EBF1: variants seen among roughly 807,000 people sequenced by gnomAD.
EBF1 encodes the protein transcription factor COE1.
Under a neutral mutation model 68.4 loss-of-function variants are expected in EBF1, and 10 were observed. The observed-to-expected ratio is 0.15, with a 90% CI of 0.09 to 0.25. The LOEUF (loss-of-function observed/expected upper bound fraction) is 0.25, where lower values mean the gene tolerates loss of function less well. Ranked by LOEUF, EBF1 falls within the 10% of genes least tolerant of loss-of-function variation. The pLI is 1.00. For synonymous variants in EBF1, 298 were observed against 299.8 expected, an observed-to-expected ratio of 0.99 and a Z score of 0.06; for missense variants, 509 against 794.4, an observed-to-expected ratio of 0.64 and a Z score of 4.32.
intron 6 of EBF1, among the ~76,000 whole-genome samples, chr5:158,964,411 G>C (rs73816849): frequency 0.024 from 3,629 of 152,180 alleles, 56 homozygotes; most frequent in East Asian, 0.047. Flanking sequence ...AAACCGAGTA[G>C]GGTTAAGACT....
At chr5:158,841,950 G>A (rs533178475) in intron 6 of EBF1, among the ~76,000 whole-genome samples, 4 of 152,286 alleles carry the variant, frequency 2.6e-5, no homozygotes, top group South Asian at 2.1e-4. Context: ...ATCACTTGCC[G>A]CTACTTCCAG....
intron 8 of EBF1, among the ~76,000 whole-genome samples, chr5:158,807,173 A>G (rs1161055188): frequency 6.6e-6 from 1 of 152,132 alleles, no homozygotes; most frequent in African/African-American, 2.4e-5. Flanking sequence ...CAGAGCTACA[A>G]TATAGGGGGT....
chr5:158,835,080 G>A (rs1383516543), intron 7 of EBF1, among the ~76,000 whole-genome samples: 1 of 152,176 alleles, frequency 6.6e-6, no homozygotes, highest in Non-Finnish European at 1.5e-5. Flanking sequence ...CCCAATTAGT[G>A]TGCTATGAGA....
intron 10 of EBF1, among the ~76,000 whole-genome samples, chr5:158,757,449 G>A (rs548783926): frequency 6.6e-6 from 1 of 152,270 alleles, no homozygotes; most frequent in South Asian, 2.1e-4. Context: ...ATTTCTATGA[G>A]GGCAGGGATT....
At chr5:159,056,610 G>A (rs1477233169) in intron 6 of EBF1, among the ~76,000 whole-genome samples, 1 of 152,060 alleles carries the variant, frequency 6.6e-6, no homozygotes, top group Admixed American at 6.5e-5. Flanking sequence ...ACACAAAAGT[G>A]GTTTGAGTAG....
chr5:158,767,129 A>G (rs1772873550), intron 10 of EBF1, among the ~76,000 whole-genome samples: 1 of 152,132 alleles, frequency 6.6e-6, no homozygotes, highest in Non-Finnish European at 1.5e-5. Flanking sequence ...TTAATAACCA[A>G]ATCTCATGCC....
chr5:158,893,659 C>A (rs191893504), intron 6 of EBF1, among the ~76,000 whole-genome samples: 10 of 152,160 alleles, frequency 6.6e-5, no homozygotes, highest in Admixed American at 3.3e-4. Flanking sequence ...AAAGGTTCCA[C>A]GAAGAGAAAG....
chr5:158,947,189 A>G (rs1448287763), intron 6 of EBF1, among the ~76,000 whole-genome samples: 1 of 151,332 alleles, frequency 6.6e-6, no homozygotes, highest in Non-Finnish European at 1.5e-5. Flanking sequence ...TTTCCAGGGG[A>G]GTGAGCGGTT....
rs1332502726 is a variant in EBF1, at chr5:158,698,011, C to CAATCT, written c.*1095_*1099dup. 4 of 213,398 alleles carry CAATCT rather than the reference C, an allele frequency of 1.9e-5. No homozygotes were observed. The East Asian group carries it at 2.8e-4, about 15-fold the overall frequency. 13.2% of individuals were successfully genotyped at this position (213,398 alleles called of 1,614,324 possible). On this transcript the variant is annotated 3_prime_UTR_variant, in exon 16 of 16. Coordinates refer to ENST00000313708, the MANE Select transcript of EBF1 (RefSeq NM_024007.5). ...TTCCAAAGCACTTAACCTGTTGTTT[C>CAATCT]AATCTATTATGTTACAAATGGTAAG...
At chr5:159,019,706 C>G (rs1230093768) in intron 6 of EBF1, among the ~76,000 whole-genome samples, 1 of 152,162 alleles carries the variant, frequency 6.6e-6, no homozygotes, top group Non-Finnish European at 1.5e-5. Context: ...TAAGAAGTGT[C>G]TCATGTGCCA....
At chr5:158,774,322 T>C (rs534348010) in intron 10 of EBF1, among the ~76,000 whole-genome samples, 2 of 152,150 alleles carry the variant, frequency 1.3e-5, no homozygotes, top group Non-Finnish European at 2.9e-5. Flanking sequence ...TTTATTAGTA[T>C]AGATTAGGCC....
At chr5:158,984,371 TACTG>T (rs1387610646) in intron 6 of EBF1, among the ~76,000 whole-genome samples, 10 of 152,218 alleles carry the variant, frequency 6.6e-5, no homozygotes, top group Non-Finnish European at 1.0e-4. Flanking sequence ...ATTTTGTAGA[TACTG>T]ACCTTTTTTT....
chr5:158,981,167 A>C (rs1757824017), intron 6 of EBF1, among the ~76,000 whole-genome samples: 2 of 152,170 alleles, frequency 1.3e-5, no homozygotes, highest in Admixed American at 6.5e-5. Flanking sequence ...TAAAAAAAAA[A>C]AACTGACTAT....
chr5:159,022,008 G>T (rs1383650189), intron 6 of EBF1, among the ~76,000 whole-genome samples: 3 of 131,740 alleles, frequency 2.3e-5, no homozygotes, highest in Non-Finnish European at 4.7e-5. Flanking sequence ...AGTGTCTTCA[G>T]TTAACTTCTT....
At chr5:158,935,480 C>T (rs760723431) in intron 6 of EBF1, among the ~76,000 whole-genome samples, 1 of 152,196 alleles carries the variant, frequency 6.6e-6, no homozygotes, top group Non-Finnish European at 1.5e-5. Context: ...GTAGAACACC[C>T]TATATCCACT....
At chr5:159,079,656 G>C (rs1779407788) in intron 5 of EBF1, among the ~76,000 whole-genome samples, 1 of 138,716 alleles carries the variant, frequency 7.2e-6, no homozygotes, top group South Asian at 2.3e-4. Context: ...CTGTCACCCA[G>C]GCTGGAGTGC....
At chr5:158,959,473 G>A (rs1389517699) in intron 6 of EBF1, among the ~76,000 whole-genome samples, 4 of 151,988 alleles carry the variant, frequency 2.6e-5, no homozygotes, top group Non-Finnish European at 4.4e-5. Flanking sequence ...TGTATTTTTA[G>A]TAGAGATGGG....
chr5:158,789,169 G>A (rs1308899223), intron 9 of EBF1, among the ~76,000 whole-genome samples: 1 of 151,918 alleles, frequency 6.6e-6, no homozygotes, highest in Admixed American at 6.6e-5. Context: ...ATAATAGATG[G>A]TCAATAAGCA....
chr5:159,019,544 A>C lies in EBF1; in HGVS notation c.554+53852T>G, dbSNP rs556674367. Reference sequence around the variant, plus strand: ...GAGGTGTTTCTATAGCAACTATAAAAATGCTAAATTATTTTTTCTCCAAAG... The same window carrying C: ...GAGGTGTTTCTATAGCAACTATAAACATGCTAAATTATTTTTTCTCCAAAG... On this transcript the variant is annotated intron_variant, in intron 6 of 15. Coordinates refer to ENST00000313708, the MANE Select transcript of EBF1 (RefSeq NM_024007.5). 1.3e-4 allele frequency among the ~76,000 whole-genome samples: 20 copies of C among 152,342 alleles called. No individual in the cohort carries two copies. In the East Asian group the frequency reaches 3.9e-3, roughly 29 times the overall value.
Sources: gnomAD v4.1 joint callset for allele counts (sites outside exome capture counted in the v4.1 genomes callset) on GRCh38, gnomAD v4.1.1 for gene constraint, MANE v1.5 for transcripts, NCBI Gene and HGNC (gene_info 2026-07-23, HGNC 2026-07-21) for gene names.